SP1: variants seen among roughly 807,000 people sequenced by gnomAD.
SP1 encodes Sp1 transcription factor.
SP1 carries 6 observed loss-of-function variants against 66.3 expected under a neutral mutation model. The ratio of observed to expected loss-of-function variants is 0.09; its 90% CI spans 0.05 to 0.18. The LOEUF (loss-of-function observed/expected upper bound fraction) is 0.18, where lower values mean the gene tolerates loss of function less well. Among genes scored for constraint, SP1 ranks in the 10% least tolerant of loss-of-function variants. The pLI, the probability that SP1 is intolerant of heterozygous loss-of-function variation, is 1.00. For missense variants in SP1, 848 were observed against 964.5 expected, an observed-to-expected ratio of 0.88 and a Z score of 1.60; for synonymous variants, 417 against 360.8, an observed-to-expected ratio of 1.16 and a Z score of -1.77.
intron 3 of SP1, among the ~76,000 whole-genome samples, chr12:53,396,980 A>T (rs927530115): frequency 1.3e-5 from 2 of 151,402 alleles, no homozygotes; most frequent in African/African-American, 2.4e-5. Context: ...AAAAAAAATC[A>T]TTTTTTTTCC....
At position 53,399,322 on chromosome 12, in the gene SP1, T is replaced by TTTTTTTG. The variant is rs144131552; in HGVS notation, c.1676-7250_1676-7244dup. On this transcript the variant is annotated intron_variant, in intron 3 of 5. Transcript: ENST00000327443. Reference sequence around the variant, plus strand: ...CTCCACCATGCCCAGCTAATTTTTGTTTTTTTGTTTTTTGTTTTTGTTTTT... The same window carrying TTTTTTTG: ...CTCCACCATGCCCAGCTAATTTTTGTTTTTTTGTTTTTTGTTTTTTGTTTTTGTTTTT... 2.0e-4 allele frequency among the ~76,000 whole-genome samples: 30 copies of TTTTTTTG among 147,036 alleles called. No individual in the cohort carries two copies. In the East Asian group the frequency reaches 2.3e-3, roughly 11 times the overall value.
intron 3 of SP1, among the ~76,000 whole-genome samples, chr12:53,385,052 TG>T (rs1386570269): frequency 3.3e-5 from 5 of 151,022 alleles, no homozygotes; most frequent in African/African-American, 1.2e-4. Flanking sequence ...CCCAGCACTT[TG>T]GGAGGCTGAG....
intron 3 of SP1, among the ~76,000 whole-genome samples, chr12:53,392,596 AT>A (rs1565811541): frequency 6.6e-6 from 1 of 151,056 alleles, no homozygotes; most frequent in Non-Finnish European, 1.5e-5. Flanking sequence ...TGACCTCGTG[AT>A]CCGCCCGCCT....
At chr12:53,398,430 G>A (rs188198147) in intron 3 of SP1, among the ~76,000 whole-genome samples, 7 of 152,186 alleles carry the variant, frequency 4.6e-5, no homozygotes, top group Admixed American at 4.6e-4. Context: ...TTACAGGCAT[G>A]CACCACCACG....
chr12:53,397,578 CCTTTTTTTTT>C (rs1232543443), intron 3 of SP1, among the ~76,000 whole-genome samples: 26 of 139,652 alleles, frequency 1.9e-4, no homozygotes, highest in African/African-American at 6.7e-4. Context: ...GACTCTTTTT[CCTTTTTTTTT>C]CTTTTTTTTT....
chr12:53,381,393 A>C (rs577311222), intron 1 of SP1: 2 of 292,604 alleles, frequency 6.8e-6, no homozygotes, highest in Non-Finnish European at 1.3e-5. Flanking sequence ...CGTCCTTCAC[A>C]TTTCCTATCC....
At chr12:53,383,963 A>G (rs1004368813) in intron 3 of SP1, among the ~76,000 whole-genome samples, 3 of 145,918 alleles carry the variant, frequency 2.1e-5, no homozygotes, top group Non-Finnish European at 4.5e-5. Context: ...ATGTGGTCAC[A>G]TTTTCTTTTC....
chr12:53,392,585 C>T (rs1938378781), intron 3 of SP1, among the ~76,000 whole-genome samples: 1 of 151,402 alleles, frequency 6.6e-6, no homozygotes, highest in Non-Finnish European at 1.5e-5. Flanking sequence ...TCTCGATCTC[C>T]TGACCTCGTG....
At chr12:53,397,764 G>A (rs1938522521) in intron 3 of SP1, among the ~76,000 whole-genome samples, 2 of 151,868 alleles carry the variant, frequency 1.3e-5, no homozygotes, top group African/African-American at 4.8e-5. Flanking sequence ...ATGTTGGCCT[G>A]GCTGGTCTTG....
rs1438061592 is a variant in SP1, at chr12:53,409,515, C to T, written c.1998C>T (p.Arg666=). The part of the protein sequence containing the change: ...FMCTWSYCGK[R]FTRSDELQRH... ...GTACCTGGTCATACTGTGGGAAACG[C>T]TTCACACGTTCGGATGAGCTACAGA... The change falls in exon 5 of 6, where the codon CGC becomes CGT. Residue 666 remains arginine (R), a synonymous_variant. Transcript: ENST00000327443. 2 of 1,614,048 alleles carry T rather than the reference C, an allele frequency of 1.2e-6. No homozygotes were observed. The highest frequency in any genetic ancestry group is 2.7e-5 in the African/African-American group (2 of 74,926).
chr12:53,391,078 T>A (rs903618648), intron 3 of SP1, among the ~76,000 whole-genome samples: 2 of 152,176 alleles, frequency 1.3e-5, no homozygotes, highest in Non-Finnish European at 2.9e-5. Context: ...TCTGTCAACT[T>A]TAGTAGATAA....
intron 1 of SP1, chr12:53,381,254 T>TC: frequency 6.4e-6 from 1 of 157,260 alleles, no homozygotes. Context: ...GCCTGGCCTC[T>TC]CCATCTCTTT....
intron 3 of SP1, among the ~76,000 whole-genome samples, chr12:53,405,796 T>C (rs985439911): frequency 6.6e-6 from 1 of 152,110 alleles, no homozygotes; most frequent in African/African-American, 2.4e-5. Context: ...GTTTCAACTT[T>C]TGGTAATCTG....
At chr12:53,380,496 G>A in intron 1 of SP1, 198 bp downstream of exon 1, 1 of 494,850 alleles carries the variant, frequency 2.0e-6, no homozygotes, top group Non-Finnish European at 3.0e-6. Context: ...GGGATGGGCC[G>A]CCCGCCCCGG....
Position 53,410,948 on chromosome 12 carries a change from C to T in SP1, c.2066C>T (p.Pro689Leu), listed in dbSNP as rs372387356. Residue 689 changes from proline to leucine, a missense_variant, in exon 6 of 6, where the codon CCT becomes CTT. Transcript: ENST00000327443. ...CTAGGTGAGAAGAAATTTGCCTGCC[C>T]TGAGTGTCCTAAGCGCTTCATGAGG... ...THTGEKKFAC[P>L]ECPKRFMRSD... The T allele has an allele frequency of 6.8e-6, 11 of 1,613,266 alleles. No homozygotes were observed. Among genetic ancestry groups the T allele is most frequent in the South Asian group, 6.6e-5 (6 of 91,010 alleles).
chr12:53,406,110 C>T (rs1387497435), intron 3 of SP1, among the ~76,000 whole-genome samples: 2 of 114,506 alleles, frequency 1.7e-5, no homozygotes, highest in African/African-American at 6.5e-5. Context: ...CTTGCTCTGT[C>T]ACCCAGGCTG....
intron 3 of SP1, among the ~76,000 whole-genome samples, chr12:53,396,940 C>G (rs1456422414): frequency 6.6e-6 from 1 of 151,852 alleles, no homozygotes; most frequent in African/African-American, 2.4e-5. Flanking sequence ...CTCCTGTTTT[C>G]TTGAGAGTTG....
At position 53,415,709 on chromosome 12, in the gene SP1, A is replaced by C. The variant is rs1309007718; in HGVS notation, c.*4469A>C. The C allele has an allele frequency of 6.6e-6, 1 of 151,382 alleles. No individual in the cohort carries two copies. The highest frequency in any genetic ancestry group is 1.5e-5 in the Non-Finnish European group (1 of 67,868). The allele number at this position is 151,382 out of a possible 1,614,324, so 9.4% of individuals were successfully genotyped here. A position where few individuals can be genotyped will look rare whatever the true frequency, so the allele number is the denominator to read the frequency against. On this transcript the variant is annotated 3_prime_UTR_variant, in exon 6 of 6. Transcript: ENST00000327443. ...TGCAAGTAGTGAGGATTTTGTTGAT[A>C]CCTCTGCTGGGATGTGTGCTTTCCC... is the stretch of plus-strand genomic sequence containing the variant.
chr12:53,388,744 C>T (rs1037434424), intron 3 of SP1, among the ~76,000 whole-genome samples: 2 of 152,104 alleles, frequency 1.3e-5, no homozygotes, highest in Non-Finnish European at 2.9e-5. Flanking sequence ...CTTTGGGAGG[C>T]CAAGGCAGGC....
Sources: gnomAD v4.1 joint callset for allele counts (sites outside exome capture counted in the v4.1 genomes callset) on GRCh38, gnomAD v4.1.1 for gene constraint, MANE v1.5 for transcripts, NCBI Gene and HGNC (gene_info 2026-07-23, HGNC 2026-07-21) for gene names.